The following TLE4 variants were observed in gnomAD, a reference collection of about 807,000 sequenced individuals.
TLE4 encodes transducin-like enhancer protein 4.
Under a neutral mutation model 92.8 loss-of-function variants are expected in TLE4, and 8 were observed. That is an observed-to-expected ratio of 0.09 (90% CI 0.05 to 0.16). TLE4 has a LOEUF of 0.16. TLE4 is among the 10% of genes least tolerant of loss of function. The pLI is 1.00. For synonymous variants in TLE4, 371 were observed against 374.1 expected, an observed-to-expected ratio of 0.99 and a Z score of 0.10; for missense variants, 675 against 997.6, an observed-to-expected ratio of 0.68 and a Z score of 4.36.
At chr9:79,591,373 T>A (rs1587793653) in intron 4 of TLE4, among the ~76,000 whole-genome samples, 1 of 152,136 alleles carries the variant, frequency 6.6e-6, no homozygotes, top group East Asian at 1.9e-4. Context: ...ATATTCAGGC[T>A]GTGTTTAGTG....
chr9:79,573,102 C>A (rs2036325700), intron 1 of TLE4, among the ~76,000 whole-genome samples: 1 of 152,048 alleles, frequency 6.6e-6, no homozygotes, highest in East Asian at 1.9e-4. Context: ...CGTTTGCGGT[C>A]CCCGCGCCGC....
chr9:79,725,185 C>A lies in TLE4; in HGVS notation c.*41C>A. 6.9e-7 allele frequency: 1 copy of A among 1,459,666 alleles called. No homozygotes were observed. Among genetic ancestry groups the A allele is most frequent in the Non-Finnish European group, 9.6e-7 (1 of 1,041,894 alleles). 90.4% of individuals were successfully genotyped at this position (1,459,666 alleles called of 1,614,324 possible). A position where few individuals can be genotyped will look rare whatever the true frequency, so the allele number is the denominator to read the frequency against. ...CAGACTGGACTTCTCCTCCTGGTAG[C>A]ACTTTGCTCTGTCATCCTTTTTGTT... On this transcript the variant is annotated 3_prime_UTR_variant, in exon 20 of 20. Transcript: ENST00000376552.
chr9:79,682,645 G>C (rs1300942521), intron 8 of TLE4, among the ~76,000 whole-genome samples: 1 of 152,132 alleles, frequency 6.6e-6, no homozygotes, highest in Admixed American at 6.6e-5. Flanking sequence ...CAGTGTCCTA[G>C]GCTTAAATTA....
At chr9:79,613,944 GTA>G (rs1363252908) in intron 5 of TLE4, among the ~76,000 whole-genome samples, 1 of 152,060 alleles carries the variant, frequency 6.6e-6, no homozygotes, top group African/African-American at 2.4e-5. Context: ...TAAACAAAGG[GTA>G]TGTTGTCTTT....
At chr9:79,572,866 C>T (rs750012227) in intron 1 of TLE4, 31 bp downstream of exon 1, 3 of 1,587,906 alleles carry the variant, frequency 1.9e-6, no homozygotes, top group African/African-American at 1.4e-5. Context: ...GCGGGCTCGC[C>T]GGGTGCTGGG....
At chr9:79,627,554 A>T in intron 6 of TLE4, 106 bp downstream of exon 6, 3 of 1,123,572 alleles carry the variant, frequency 2.7e-6, no homozygotes, top group Non-Finnish European at 3.9e-6. Flanking sequence ...GCAATAGATG[A>T]CTACAAAATG....
At chr9:79,594,149 A>G (rs2043364496) in intron 4 of TLE4, among the ~76,000 whole-genome samples, 1 of 152,224 alleles carries the variant, frequency 6.6e-6, no homozygotes, top group Non-Finnish European at 1.5e-5. Flanking sequence ...CCAGCGAACT[A>G]GAGCAGTGCT....
intron 14 of TLE4, among the ~76,000 whole-genome samples, chr9:79,716,158 C>G (rs1330670309): frequency 6.6e-6 from 1 of 152,190 alleles, no homozygotes; most frequent in African/African-American, 2.4e-5. Context: ...CTATATGGCC[C>G]TTTTTAGTTT....
At chr9:79,679,480 A>C (rs1254002762) in intron 8 of TLE4, among the ~76,000 whole-genome samples, 2 of 151,960 alleles carry the variant, frequency 1.3e-5, no homozygotes. Flanking sequence ...TTTTTCTTGT[A>C]AATTTCTTTG....
rs533996874 is a variant in TLE4, at chr9:79,587,755, A to C, written c.252+11578A>C. On this transcript the variant is annotated intron_variant, in intron 4 of 19. Transcript: ENST00000376552. ...AGCTGCATCTTCCTGGTCCTTCTAT[A>C]GGCTAAGAGCACATCAGTAAGTACA... Among the ~76,000 whole-genome samples the C allele has an allele frequency of 6.6e-5, 10 of 152,296 alleles. No individual in the cohort carries two copies. In the South Asian group the frequency reaches 2.1e-3, roughly 32 times the overall value.
At chr9:79,633,660 A>G (rs540670435) in intron 6 of TLE4, among the ~76,000 whole-genome samples, 1 of 152,334 alleles carries the variant, frequency 6.6e-6, no homozygotes, top group South Asian at 2.1e-4. Context: ...GCAAGCTTGC[A>G]GTTCCAGAGT....
chr9:79,720,004 CT>C, intron 15 of TLE4, 41 bp from the exon 16 acceptor site: 1 of 1,563,266 alleles, frequency 6.4e-7, no homozygotes, highest in Admixed American at 1.8e-5. Context: ...TGCTGTTTTC[CT>C]TTCCTCATGA....
chr9:79,615,793 G>T (rs1023852297), intron 5 of TLE4, among the ~76,000 whole-genome samples: 42 of 152,110 alleles, frequency 2.8e-4, no homozygotes, highest in African/African-American at 9.9e-4. Flanking sequence ...TCCTATTAGA[G>T]TTTACTAAAA....
chr9:79,584,935 T>TA (rs1184873182), intron 4 of TLE4, among the ~76,000 whole-genome samples: 1 of 152,236 alleles, frequency 6.6e-6, no homozygotes, highest in Non-Finnish European at 1.5e-5. Flanking sequence ...AACGTCACTG[T>TA]ATCACTAGTC....
intron 4 of TLE4, among the ~76,000 whole-genome samples, chr9:79,606,803 T>A (rs1406422777): frequency 6.6e-6 from 1 of 152,218 alleles, no homozygotes; most frequent in Admixed American, 6.5e-5. Flanking sequence ...TGGTCCCAAG[T>A]CTTTGCTACT....
intron 6 of TLE4, among the ~76,000 whole-genome samples, chr9:79,642,419 T>A (rs1186598077): frequency 1.3e-5 from 2 of 151,558 alleles, no homozygotes; most frequent in African/African-American, 4.9e-5. Flanking sequence ...GCCACTCTGC[T>A]TGGCTCAGCT....
At chr9:79,683,262 C>T (rs1275872376) in intron 8 of TLE4, among the ~76,000 whole-genome samples, 3 of 152,194 alleles carry the variant, frequency 2.0e-5, no homozygotes, top group Non-Finnish European at 4.4e-5. Context: ...CAAGAGTTGG[C>T]TGACTCTGTG....
intron 6 of TLE4, among the ~76,000 whole-genome samples, chr9:79,647,817 T>G (rs901010259): frequency 2.0e-5 from 3 of 152,026 alleles, no homozygotes; most frequent in African/African-American, 7.2e-5. Flanking sequence ...TTGTTAAGTA[T>G]CTTAATGGTA....
rs2076348480 is a variant in TLE4 at position 79,726,003 on chromosome 9, G to C, written c.*859G>C. 6.6e-6 allele frequency: 1 copy of C among 152,560 alleles called. No individual in the cohort carries two copies. Among genetic ancestry groups the C allele is most frequent in the Non-Finnish European group, 1.5e-5 (1 of 68,020 alleles). The allele number at this position is 152,560 out of a possible 1,614,324, so 9.5% of individuals were successfully genotyped here. ...GCAAAAGGAGATATATATATCTTTA[G>C]TCAGTTTTGTTGTTATGAGAAATTA... On this transcript the variant is annotated 3_prime_UTR_variant, in exon 20 of 20. Coordinates refer to ENST00000376552, the MANE Select transcript of TLE4 (RefSeq NM_007005.6).
Sources: gnomAD v4.1 joint callset for allele counts (sites outside exome capture counted in the v4.1 genomes callset) on GRCh38, gnomAD v4.1.1 for gene constraint, MANE v1.5 for transcripts, NCBI Gene and HGNC (gene_info 2026-07-23, HGNC 2026-07-21) for gene names.